The following HPSE2 variants were observed in gnomAD, a reference collection of about 807,000 sequenced individuals.
HPSE2 encodes inactive heparanase-2.
Under a neutral mutation model 60.5 loss-of-function variants are expected in HPSE2, and 38 were observed. The observed-to-expected ratio is 0.63, with a 90% CI of 0.48 to 0.82. The LOEUF (loss-of-function observed/expected upper bound fraction) is 0.82. HPSE2 is among the 40% of genes least tolerant of loss of function. HPSE2 has a pLI of 0.00. For synonymous variants in HPSE2, 295 were observed against 293.2 expected (o/e 1.01, Z -0.06); for missense variants, 713 against 740.4 (o/e 0.96, Z 0.43).
intron 3 of HPSE2, among the ~76,000 whole-genome samples, chr10:99,036,530 A>G (rs1346279341): frequency 2.0e-5 from 3 of 152,220 alleles, no homozygotes; most frequent in African/African-American, 7.2e-5. Flanking sequence ...GTCCTTAGTG[A>G]TACAAAATTT....
rs540411495 is a variant in HPSE2, at chr10:98,666,632, T to G, written c.1005-24692A>C. 2.6e-5 allele frequency among the ~76,000 whole-genome samples: 4 copies of G among 152,174 alleles called. No individual in the cohort carries two copies. The East Asian group carries it at 7.7e-4, about 29-fold the overall frequency. ...AATAGAAATTAATACCAAGAAGATC[T>G]CTCAGAACTACACAAAAACATGGAA... On this transcript the variant is annotated intron_variant, in intron 6 of 11. Transcript: ENST00000370552.
intron 2 of HPSE2, among the ~76,000 whole-genome samples, chr10:99,161,400 G>A (rs1846839068): frequency 6.6e-6 from 1 of 152,014 alleles, no homozygotes; most frequent in Non-Finnish European, 1.5e-5. Context: ...TTCTAGACCT[G>A]GATAACCTCA....
chr10:98,851,463 C>T (rs1697187736), intron 3 of HPSE2, among the ~76,000 whole-genome samples: 1 of 152,202 alleles, frequency 6.6e-6, no homozygotes, highest in Non-Finnish European at 1.5e-5. Flanking sequence ...TGTTCCATAA[C>T]CAACACCTGC....
chr10:98,863,273 A>G (rs1247802693), intron 3 of HPSE2, among the ~76,000 whole-genome samples: 1 of 152,188 alleles, frequency 6.6e-6, no homozygotes, highest in Non-Finnish European at 1.5e-5. Context: ...AATGTGCCAA[A>G]TAACTGACAT....
intron 4 of HPSE2, among the ~76,000 whole-genome samples, chr10:98,738,160 G>T (rs1428572129): frequency 6.6e-6 from 1 of 152,052 alleles, no homozygotes; most frequent in Non-Finnish European, 1.5e-5. Flanking sequence ...CAGAACAGAG[G>T]CCTCAGAAAT....
At chr10:98,796,955 CCA>C (rs1214834908) in intron 3 of HPSE2, among the ~76,000 whole-genome samples, 2 of 152,324 alleles carry the variant, frequency 1.3e-5, no homozygotes, top group African/African-American at 4.8e-5. Flanking sequence ...TCTGCAAAAA[CCA>C]CAGTGTTAGG....
chr10:98,844,219 T>C (rs1951983686), intron 3 of HPSE2, among the ~76,000 whole-genome samples: 1 of 152,162 alleles, frequency 6.6e-6, no homozygotes, highest in East Asian at 1.9e-4. Flanking sequence ...TAGTATAAAA[T>C]ATGGGAAGAG....
intron 3 of HPSE2, among the ~76,000 whole-genome samples, chr10:99,116,509 A>G (rs1289129639): frequency 2.0e-5 from 3 of 152,126 alleles, no homozygotes; most frequent in Non-Finnish European, 4.4e-5. Flanking sequence ...CCACCTATCA[A>G]TGACGAGGAT....
intron 11 of HPSE2, among the ~76,000 whole-genome samples, chr10:98,481,190 C>A (rs1481493834): frequency 9.2e-5 from 14 of 152,170 alleles, no homozygotes. Flanking sequence ...TCAGAAATGG[C>A]TTTGCAGATC....
At chr10:99,267,009 A>G in the HPSE2 span, among the ~76,000 whole-genome samples, 1 of 152,274 alleles carries the variant, frequency 6.6e-6, no homozygotes, top group Non-Finnish European at 1.5e-5. Flanking sequence ...GCGGCCCTTG[A>G]GCCCCAGATC....
chr10:98,977,022 T>C (rs1023988795), intron 3 of HPSE2, among the ~76,000 whole-genome samples: 2 of 152,154 alleles, frequency 1.3e-5, no homozygotes, highest in African/African-American at 4.8e-5. Flanking sequence ...AGACAAGGAA[T>C]AGAATTTACT....
chr10:99,257,141 G>A, the HPSE2 span, among the ~76,000 whole-genome samples: 2 of 152,118 alleles, frequency 1.3e-5, no homozygotes, highest in Non-Finnish European at 2.9e-5. Context: ...ATAAGCTAAG[G>A]AGGATGTATG....
intron 2 of HPSE2, among the ~76,000 whole-genome samples, chr10:99,199,167 T>C (rs1460707117): frequency 1.3e-5 from 2 of 152,168 alleles, no homozygotes; most frequent in African/African-American, 4.8e-5. Context: ...AAATACCTCT[T>C]TGAGATTTTA....
chr10:98,664,306 AG>A (rs1947302635), intron 6 of HPSE2, among the ~76,000 whole-genome samples: 1 of 152,064 alleles, frequency 6.6e-6, no homozygotes, highest in Non-Finnish European at 1.5e-5. Context: ...GCAGGAGAAG[AG>A]CCCCCACTCT....
chr10:99,045,668 A>G (rs915462330), intron 3 of HPSE2, among the ~76,000 whole-genome samples: 1 of 152,166 alleles, frequency 6.6e-6, no homozygotes, highest in Non-Finnish European at 1.5e-5. Flanking sequence ...AACTGATCCC[A>G]TAGAAATACA....
At chr10:98,582,822 A>G (rs1207433606) in intron 9 of HPSE2, among the ~76,000 whole-genome samples, 6 of 152,276 alleles carry the variant, frequency 3.9e-5, no homozygotes, top group African/African-American at 9.6e-5. Flanking sequence ...ACAGTAGTGT[A>G]ACCATCACCA....
intron 6 of HPSE2, among the ~76,000 whole-genome samples, chr10:98,674,351 G>A (rs1275553670): frequency 2.6e-5 from 4 of 152,172 alleles, no homozygotes; most frequent in Non-Finnish European, 4.4e-5. Context: ...GGAAAAGAAA[G>A]ATGGCTAGAT....
At chr10:99,070,652 C>G (rs1459096079) in intron 3 of HPSE2, among the ~76,000 whole-genome samples, 1 of 152,110 alleles carries the variant, frequency 6.6e-6, no homozygotes, top group Non-Finnish European at 1.5e-5. Context: ...GATAGCAGAT[C>G]CCCATTTACC....
At chr10:98,709,604 G>T (rs1175120685) in intron 5 of HPSE2, among the ~76,000 whole-genome samples, 1 of 152,128 alleles carries the variant, frequency 6.6e-6, no homozygotes, top group African/African-American at 2.4e-5. Context: ...TCGGTATTTG[G>T]GGGCCTTCCC....
Sources: allele counts gnomAD v4.1 joint callset (sites outside exome capture counted in the v4.1 genomes callset), GRCh38; gene constraint gnomAD v4.1.1; transcripts MANE v1.5; gene names NCBI Gene and HGNC (gene_info 2026-07-23, HGNC 2026-07-21).